DIAPH2: variants seen among roughly 807,000 people sequenced by gnomAD.
The protein encoded by DIAPH2 is diaphanous related formin 2.
DIAPH2 carries 35 observed loss-of-function variants against 92.7 expected under a neutral mutation model. That is an observed-to-expected ratio of 0.38 (90% CI 0.29 to 0.50). DIAPH2 has a LOEUF of 0.50. DIAPH2 is among the 20% of genes least tolerant of loss of function. The pLI is 0.94. For synonymous variants in DIAPH2, 301 were observed against 280.4 expected (o/e 1.07, Z -0.73); for missense variants, 701 against 819.5 (o/e 0.86, Z 1.77).
At chrX:97,244,465 CT>C (rs1165641804) in intron 22 of DIAPH2, among the ~76,000 whole-genome samples, 1 of 111,774 alleles carries the variant, frequency 8.9e-6, no homozygotes, top group African/African-American at 3.2e-5. Flanking sequence ...ATAACTTTTC[CT>C]TTTCCCCATT....
chrX:97,433,030 A>G lies in DIAPH2; in HGVS notation c.3241+3285A>G, dbSNP rs751372444. On this transcript the variant is annotated intron_variant, in intron 26 of 26. Coordinates refer to ENST00000324765, the MANE Select transcript of DIAPH2 (RefSeq NM_006729.5). The stretch of plus-strand genomic sequence containing the variant: ...ATAAATGATATGATTAGTTGCCTAA[A>G]TTATAAATCGCCCACTCTGAGCCTG... Among the ~76,000 whole-genome samples, 10 of 111,354 alleles carry G rather than the reference A, an allele frequency of 9.0e-5. No individual in the cohort carries two copies. In the South Asian group the frequency reaches 3.8e-3, roughly 42 times the overall value.
At chrX:97,483,399 A>AG (rs1556138229) in intron 26 of DIAPH2, among the ~76,000 whole-genome samples, 2 of 106,870 alleles carry the variant, frequency 1.9e-5, no homozygotes, top group Admixed American at 1.0e-4. Context: ...AAGGGGGCAA[A>AG]AGAGAGAGAG....
chrX:96,811,586 C>G (rs2064681565), intron 4 of DIAPH2, among the ~76,000 whole-genome samples: 1 of 111,622 alleles, frequency 9.0e-6, no homozygotes, highest in Admixed American at 9.5e-5. Context: ...AGAGGGCATC[C>G]CTGTCTTGTG....
At chrX:97,383,780 TA>T in intron 24 of DIAPH2, 128 bp from the exon 25 acceptor site, 5 of 541,434 alleles carry the variant, frequency 9.2e-6, no homozygotes, top group Non-Finnish European at 1.4e-5. Flanking sequence ...ATTATATAAG[TA>T]ATGGAAAGGT....
At position 96,916,329 on chromosome X, in the gene DIAPH2, C is replaced by A. The variant is rs1345182159; in HGVS notation, c.733-109C>A. ...AGAATATTCATATAATTAGGTAGAA[C>A]CTCATTGTGGGGGTATGGGTTTTTG... On this transcript the variant is annotated intron_variant, in intron 7 of 26. Transcript: ENST00000324765. 1.2e-5 allele frequency: 8 copies of A among 677,782 alleles called. No homozygotes were observed. In the Admixed American group the frequency reaches 3.1e-4, roughly 26 times the overall value. 55.9% of individuals were successfully genotyped at this position (677,782 alleles called of 1,213,427 possible).
chrX:96,932,549 C>T (rs1046417049), intron 10 of DIAPH2, among the ~76,000 whole-genome samples: 3 of 111,265 alleles, frequency 2.7e-5, no homozygotes, highest in Non-Finnish European at 5.7e-5. Flanking sequence ...TTCTAAGCTA[C>T]ACTTTTCCAT....
At chrX:97,230,399 C>G (rs191702498) in intron 22 of DIAPH2, among the ~76,000 whole-genome samples, 1 of 111,772 alleles carries the variant, frequency 8.9e-6, no homozygotes, top group East Asian at 2.8e-4. Flanking sequence ...TCTAAATATT[C>G]CCTTTATATG....
chrX:97,097,454 A>C (rs1011169278), intron 19 of DIAPH2, among the ~76,000 whole-genome samples: 1 of 112,155 alleles, frequency 8.9e-6, no homozygotes, highest in African/African-American at 3.2e-5. Context: ...TAAATATTTC[A>C]TACAGCTGAA....
chrX:97,315,477 A>C (rs183917670), intron 23 of DIAPH2, among the ~76,000 whole-genome samples: 1 of 111,846 alleles, frequency 8.9e-6, no homozygotes, highest in East Asian at 2.8e-4. Context: ...ATCAAGATGC[A>C]TCAGAGGTTG....
chrX:96,765,364 A>G (rs971727396), intron 4 of DIAPH2, among the ~76,000 whole-genome samples: 1 of 108,495 alleles, frequency 9.2e-6, no homozygotes, highest in African/African-American at 3.4e-5. Flanking sequence ...TGCCCAGCTA[A>G]TTTTTGTATT....
intron 5 of DIAPH2, among the ~76,000 whole-genome samples, chrX:96,910,675 T>C (rs777830626): frequency 3.6e-5 from 4 of 111,744 alleles, no homozygotes; most frequent in Non-Finnish European, 7.5e-5. Flanking sequence ...TAAATTTAAA[T>C]TAGCAAATAC....
At chrX:96,809,365 G>A (rs943871642) in intron 4 of DIAPH2, among the ~76,000 whole-genome samples, 4 of 107,472 alleles carry the variant, frequency 3.7e-5, no homozygotes, top group Non-Finnish European at 5.8e-5. Context: ...CATAACCTGA[G>A]ATCTACCCTC....
chrX:97,509,094 T>C (rs1201430966), intron 26 of DIAPH2, among the ~76,000 whole-genome samples: 2 of 108,972 alleles, frequency 1.8e-5, no homozygotes, highest in African/African-American at 6.6e-5. Context: ...TCGCCGAGGC[T>C]GGAGTGCAGT....
intron 4 of DIAPH2, among the ~76,000 whole-genome samples, chrX:96,799,107 A>G (rs1246917924): frequency 9.2e-6 from 1 of 108,719 alleles, no homozygotes; most frequent in Non-Finnish European, 1.9e-5. Flanking sequence ...TGTGCCCTAT[A>G]AATCCAAGCT....
intron 26 of DIAPH2, among the ~76,000 whole-genome samples, chrX:97,560,663 T>C (rs1334017590): frequency 8.9e-6 from 1 of 111,955 alleles, no homozygotes; most frequent in African/African-American, 3.3e-5. Context: ...CAGCTAGTTT[T>C]TGTATTTTTA....
intron 22 of DIAPH2, among the ~76,000 whole-genome samples, chrX:97,151,503 C>CTT (rs56235596): frequency 2.4e-3 from 239 of 101,546 alleles, no homozygotes; most frequent in African/African-American, 7.8e-3. Context: ...ATCCAAACAC[C>CTT]TTTTTTTTTT....
At position 97,467,858 on chromosome X, in the gene DIAPH2, G is replaced by A. The variant is rs765870484; in HGVS notation, c.3241+38113G>A. On this transcript the variant is annotated intron_variant, in intron 26 of 26. Coordinates refer to ENST00000324765, the MANE Select transcript of DIAPH2 (RefSeq NM_006729.5). Reference sequence around the variant, plus strand: ...AGAGACTGTAAAAGCTGAAAAATCAGTTTGACAACGTTCCTGCTGGGATTG... The same window carrying A: ...AGAGACTGTAAAAGCTGAAAAATCAATTTGACAACGTTCCTGCTGGGATTG... Among the ~76,000 whole-genome samples, 4 of 111,609 alleles carry A rather than the reference G, an allele frequency of 3.6e-5. No individual in the cohort carries two copies. The South Asian group carries it at 1.5e-3, about 42-fold the overall frequency.
chrX:96,964,081 C>T (rs1458278061), intron 16 of DIAPH2, among the ~76,000 whole-genome samples: 1 of 110,937 alleles, frequency 9.0e-6, no homozygotes, highest in Non-Finnish European at 1.9e-5. Flanking sequence ...TCCTCATTCA[C>T]TGGGAACTAA....
chrX:97,545,867 G>GA (rs1318030061), intron 26 of DIAPH2, among the ~76,000 whole-genome samples: 59 of 108,922 alleles, frequency 5.4e-4, no homozygotes, highest in Non-Finnish European at 9.9e-4. Context: ...GTCTTAATGG[G>GA]AAAAAAAGAA....
Sources: allele counts gnomAD v4.1 joint callset (sites outside exome capture counted in the v4.1 genomes callset), GRCh38; gene constraint gnomAD v4.1.1; transcripts MANE v1.5; gene names NCBI Gene and HGNC (gene_info 2026-07-23, HGNC 2026-07-21).